Variants in ZDHHC15 observed in about 807,000 individuals in gnomAD.
ZDHHC15 encodes the protein zDHHC palmitoyltransferase 15.
In ZDHHC15, 19 loss-of-function variants were observed where a neutral mutation model predicts 31.7. The observed-to-expected ratio is 0.60, with a 90% CI of 0.42 to 0.88. The LOEUF (loss-of-function observed/expected upper bound fraction) is 0.88. ZDHHC15 is among the 40% of genes least tolerant of loss of function. The pLI is 0.00. For synonymous variants in ZDHHC15, 103 were observed against 90.0 expected (o/e 1.14, Z -0.82); for missense variants, 209 against 251.2 (o/e 0.83, Z 1.14).
chrX:75,492,016 G>A (rs1467104175), intron 2 of ZDHHC15, among the ~76,000 whole-genome samples: 1 of 111,317 alleles, frequency 9.0e-6, no homozygotes, highest in Non-Finnish European at 1.9e-5. Context: ...AAAGAGTCAA[G>A]ACCCATCAGT....
intron 1 of ZDHHC15, among the ~76,000 whole-genome samples, chrX:75,514,245 A>C (rs1288103664): frequency 8.9e-6 from 1 of 112,685 alleles, no homozygotes; most frequent in Non-Finnish European, 1.9e-5. Flanking sequence ...GTTTTTTTTA[A>C]CTCTTTTTAC....
chrX:75,413,676 A>C (rs2147824813), intron 10 of ZDHHC15, among the ~76,000 whole-genome samples: 1 of 111,103 alleles, frequency 9.0e-6, no homozygotes, highest in South Asian at 3.8e-4. Context: ...AGAAAAAAAA[A>C]AACAAACAAC....
intron 10 of ZDHHC15, among the ~76,000 whole-genome samples, chrX:75,383,735 G>GTTTT (rs34663369): frequency 1.2e-5 from 1 of 86,618 alleles, no homozygotes; most frequent in African/African-American, 4.4e-5. Context: ...GAAATGTTAG[G>GTTTT]TTTTTTTTTT....
At chrX:75,433,691 G>A (rs1180386315) in intron 4 of ZDHHC15, among the ~76,000 whole-genome samples, 18 of 6,525 alleles carry the variant, frequency 2.8e-3, no homozygotes, top group African/African-American at 3.9e-3. Flanking sequence ...GTGTGTGTGT[G>A]TGTGTGTATA....
chrX:75,429,381 C>T (rs1011316876), intron 6 of ZDHHC15, among the ~76,000 whole-genome samples, 183 bp from the exon 7 acceptor site: 1 of 111,283 alleles, frequency 9.0e-6, no homozygotes, highest in African/African-American at 3.3e-5. Flanking sequence ...TCATGTCTCA[C>T]TTGTTTATTC....
chrX:75,457,982 G>A, intron 3 of ZDHHC15, among the ~76,000 whole-genome samples: 1 of 111,046 alleles, frequency 9.0e-6, no homozygotes, highest in Non-Finnish European at 1.9e-5. Flanking sequence ...TCAATCCCCT[G>A]TGGGTACTGA....
intron 10 of ZDHHC15, among the ~76,000 whole-genome samples, chrX:75,386,076 G>A (rs1188793654): frequency 8.9e-6 from 1 of 111,886 alleles, no homozygotes; most frequent in East Asian, 2.8e-4. Context: ...TGTCATGGCA[G>A]CATAAAGTAC....
chrX:75,496,535 C>T lies in ZDHHC15; in HGVS notation c.163+9286G>A, dbSNP rs150034822. 2.6e-3 allele frequency among the ~76,000 whole-genome samples: 294 copies of T among 111,549 alleles called. 1 individual carries two copies. Among genetic ancestry groups the T allele is most frequent in the East Asian group, 0.019 (69 of 3,543 alleles). On this transcript the variant is annotated intron_variant, in intron 2 of 11. Transcript: ENST00000373367. ...AACAGATATTTACAGAATATTCTAC[C>T]AAACTACTGCAGAATATACATTCTT...
At position 75,466,656 on chromosome X, in the gene ZDHHC15, A is replaced by G. The variant is rs183489932; in HGVS notation, c.258+12235T>C. Among the ~76,000 whole-genome samples the G allele has an allele frequency of 7.9e-3, 878 of 111,342 alleles. 10 individuals are homozygous for G. Among genetic ancestry groups the G allele is most frequent in the African/African-American group, 0.026 (806 of 30,662 alleles). On this transcript the variant is annotated intron_variant, in intron 3 of 11. Transcript: ENST00000373367. Reference sequence around the variant, plus strand: ...ATGAAATCAACCTAAATGTCCATCAATGATAGACTGGATAGAGAAAATGTG... The same window carrying G: ...ATGAAATCAACCTAAATGTCCATCAGTGATAGACTGGATAGAGAAAATGTG...
At position 75,430,089 on chromosome X, in the gene ZDHHC15, C is replaced by T. The variant is rs990553174; in HGVS notation, c.450-109G>A. 4 of 844,250 alleles carry T rather than the reference C, an allele frequency of 4.7e-6. No individual in the cohort carries two copies. The African/African-American group carries it at 8.2e-5, about 17-fold the overall frequency. 69.6% of individuals were successfully genotyped at this position (844,250 alleles called of 1,213,427 possible). A position where few individuals can be genotyped will look rare whatever the true frequency, so the allele number is the denominator to read the frequency against. ...GTATTTTTACATGGTTCTAATAACA[C>T]CCATTCTCAGATTTCCACTATAGTG... On this transcript the variant is annotated intron_variant, in intron 5 of 11. Coordinates refer to ENST00000373367, the MANE Select transcript of ZDHHC15 (RefSeq NM_144969.3).
At chrX:75,423,173 C>T (rs924931459) in intron 8 of ZDHHC15, among the ~76,000 whole-genome samples, 1 of 108,846 alleles carries the variant, frequency 9.2e-6, no homozygotes, top group Non-Finnish European at 1.9e-5. Flanking sequence ...CATGCCACCA[C>T]ACCCAGCTAA....
At chrX:75,498,992 C>G (rs2085050860) in intron 2 of ZDHHC15, among the ~76,000 whole-genome samples, 1 of 111,448 alleles carries the variant, frequency 9.0e-6, no homozygotes, top group African/African-American at 3.3e-5. Flanking sequence ...ATACTTAGAG[C>G]CAACTGATCT....
intron 5 of ZDHHC15, 68 bp downstream of exon 5, chrX:75,431,379 ATCAG>A: frequency 1.0e-6 from 1 of 1,004,145 alleles, no homozygotes; most frequent in Non-Finnish European, 1.4e-6. Context: ...ACATGTTAGG[ATCAG>A]TCATTTTGTT....
At chrX:75,378,847 C>G (rs1037503706) in intron 11 of ZDHHC15, among the ~76,000 whole-genome samples, 1 of 110,687 alleles carries the variant, frequency 9.0e-6, no homozygotes, top group African/African-American at 3.3e-5. Context: ...AGTAAATAAC[C>G]TTAACGGAAT....
intron 10 of ZDHHC15, among the ~76,000 whole-genome samples, chrX:75,397,437 T>C (rs1483772600): frequency 1.8e-5 from 2 of 111,848 alleles, no homozygotes; most frequent in African/African-American, 6.5e-5. Flanking sequence ...GTTGTAGATA[T>C]TCAATTTATC....
intron 10 of ZDHHC15, among the ~76,000 whole-genome samples, chrX:75,380,072 G>T (rs917025746): frequency 8.9e-6 from 1 of 112,077 alleles, no homozygotes. Flanking sequence ...CCAACATTCT[G>T]TCTTGTCTGG....
chrX:75,519,943 G>A (rs1022916331), intron 1 of ZDHHC15, among the ~76,000 whole-genome samples: 6 of 111,909 alleles, frequency 5.4e-5, no homozygotes, highest in Admixed American at 1.9e-4. Context: ...ACACTGTGCA[G>A]GCCAGGCAAA....
intron 10 of ZDHHC15, among the ~76,000 whole-genome samples, chrX:75,393,406 T>A (rs367876311): frequency 4.5e-5 from 5 of 111,282 alleles, no homozygotes; most frequent in Non-Finnish European, 9.4e-5. Flanking sequence ...TCACCAGTTT[T>A]TCCACTGAAC....
At chrX:75,494,939 T>A (rs1394871059) in intron 2 of ZDHHC15, among the ~76,000 whole-genome samples, 1 of 112,108 alleles carries the variant, frequency 8.9e-6, no homozygotes, top group Non-Finnish European at 1.9e-5. Context: ...AAATGGGATC[T>A]AATTCAACTA....
Sources: allele counts gnomAD v4.1 joint callset (sites outside exome capture counted in the v4.1 genomes callset), GRCh38; gene constraint gnomAD v4.1.1; transcripts MANE v1.5; gene names NCBI Gene and HGNC (gene_info 2026-07-23, HGNC 2026-07-21).